EXT1: variants seen among roughly 807,000 people sequenced by gnomAD.
EXT1 encodes the protein exostosin glycosyltransferase 1, also known as exostosin-1.
A neutral mutation model predicts 82.5 loss-of-function variants in EXT1; 20 were observed. The ratio of observed to expected loss-of-function variants is 0.24; its 90% confidence interval spans 0.17 to 0.35. The LOEUF is 0.35. Among genes scored for constraint, EXT1 ranks in the 10% least tolerant of loss-of-function variants. The probability of loss-of-function intolerance (pLI) is 1.00; values close to 1 mark genes in which losing one functional copy is unlikely to be tolerated. For missense variants in EXT1, 757 were observed against 936.5 expected (o/e 0.81, Z 2.50); for synonymous variants, 348 against 350.8 (o/e 0.99, Z 0.09).
At chr8:117,895,559 T>C (rs1381375056) in intron 1 of EXT1, among the ~76,000 whole-genome samples, 1 of 152,104 alleles carries the variant, frequency 6.6e-6, no homozygotes, top group Non-Finnish European at 1.5e-5. Context: ...TTAAGACCCA[T>C]CCAGGTCTGA....
At chr8:118,054,592 T>C (rs138282100) in intron 1 of EXT1, among the ~76,000 whole-genome samples, 19 of 152,292 alleles carry the variant, frequency 1.2e-4, no homozygotes, top group Non-Finnish European at 2.4e-4. Context: ...AAAATAAAGA[T>C]ACTGCCATCT....
intron 1 of EXT1, among the ~76,000 whole-genome samples, chr8:118,107,368 G>A (rs1489345528): frequency 6.6e-6 from 1 of 152,064 alleles, no homozygotes; most frequent in African/African-American, 2.4e-5. Flanking sequence ...TGAGTGCTTA[G>A]AGCACCCCTG....
At chr8:117,981,109 C>G (rs1815193159) in intron 1 of EXT1, among the ~76,000 whole-genome samples, 1 of 152,156 alleles carries the variant, frequency 6.6e-6, no homozygotes, top group Non-Finnish European at 1.5e-5. Flanking sequence ...TTTATACAAA[C>G]CCATTTAAAT....
intron 8 of EXT1, among the ~76,000 whole-genome samples, chr8:117,811,835 C>T (rs541921037): frequency 1.7e-4 from 26 of 152,236 alleles, no homozygotes; most frequent in African/African-American, 6.0e-4. Context: ...AGGCTGGTCT[C>T]GAACTCCTGA....
intron 1 of EXT1, among the ~76,000 whole-genome samples, chr8:118,051,330 C>T (rs945602978): frequency 6.6e-6 from 1 of 152,016 alleles, no homozygotes; most frequent in Non-Finnish European, 1.5e-5. Flanking sequence ...AGAGCAAGAT[C>T]CTATCTCAAA....
rs571763464 is a variant in EXT1 at position 117,873,627 on chromosome 8, TG to T, written c.963-36427del. On this transcript the variant is annotated intron_variant, in intron 1 of 10. Coordinates refer to ENST00000378204, the MANE Select transcript of EXT1 (RefSeq NM_000127.3). The stretch of plus-strand genomic sequence containing the variant: ...CATGCCACCACGCCTGGCTAATTTT[TG>T]TATGTTTAGTAGAGACAGGGTTTTG... Among the ~76,000 whole-genome samples the T allele has an allele frequency of 4.1e-4, 62 of 152,178 alleles. 1 individual carries two copies. The Middle Eastern group carries it at 0.014, about 33-fold the overall frequency.
chr8:117,920,744 G>T (rs1278267688), intron 1 of EXT1, among the ~76,000 whole-genome samples: 1 of 152,176 alleles, frequency 6.6e-6, no homozygotes, highest in Non-Finnish European at 1.5e-5. Context: ...CTTTAGGGAG[G>T]AGGAAGCTGA....
At chr8:117,914,497 T>C (rs1268833102) in intron 1 of EXT1, among the ~76,000 whole-genome samples, 2 of 152,170 alleles carry the variant, frequency 1.3e-5, no homozygotes, top group East Asian at 3.8e-4. Context: ...GAGCCATATT[T>C]TTCTCTTTGC....
intron 1 of EXT1, among the ~76,000 whole-genome samples, chr8:118,017,643 G>A (rs1023207147): frequency 1.3e-5 from 2 of 152,144 alleles, no homozygotes; most frequent in African/African-American, 4.8e-5. Flanking sequence ...CTCCTAATTG[G>A]CAGATTACAT....
rs190414821 is a variant in EXT1, at chr8:117,794,844, C to A, written c.*4868G>T. On this transcript the variant is annotated 3_prime_UTR_variant, in exon 11 of 11. Transcript: ENST00000378204. Reference sequence around the variant, plus strand: ...AAATAAGGTATACTTTTGTTTTTTGCGTTACAATTTGCCACCTAAAATAGT... The same window carrying A: ...AAATAAGGTATACTTTTGTTTTTTGAGTTACAATTTGCCACCTAAAATAGT... The A allele has an allele frequency of 1.1e-4, 17 of 152,226 alleles. No homozygotes were observed. The highest frequency in any genetic ancestry group is 4.1e-4 in the African/African-American group (17 of 41,550). 9.4% of individuals were successfully genotyped at this position (152,226 alleles called of 1,614,324 possible). A position where few individuals can be genotyped will look rare whatever the true frequency, so the allele number is the denominator to read the frequency against.
chr8:118,096,952 C>A (rs1362284114), intron 1 of EXT1, among the ~76,000 whole-genome samples: 1 of 152,116 alleles, frequency 6.6e-6, no homozygotes, highest in East Asian at 1.9e-4. Context: ...AAATTTTTTT[C>A]ATTTATGCAA....
chr8:117,933,107 C>A (rs374020805), intron 1 of EXT1, among the ~76,000 whole-genome samples: 3 of 152,192 alleles, frequency 2.0e-5, no homozygotes, highest in Non-Finnish European at 4.4e-5. Flanking sequence ...ATGCTACACT[C>A]ACTTTTCGCC....
At chr8:118,096,408 G>A (rs1817611403) in intron 1 of EXT1, among the ~76,000 whole-genome samples, 1 of 152,028 alleles carries the variant, frequency 6.6e-6, no homozygotes. Flanking sequence ...GGATCACGAG[G>A]TCGGGAGATC....
intron 1 of EXT1, among the ~76,000 whole-genome samples, chr8:118,047,001 G>C (rs1246152351): frequency 1.3e-5 from 2 of 152,160 alleles, no homozygotes; most frequent in African/African-American, 4.8e-5. Context: ...GGAGGGGCAG[G>C]AACTAAAGGA....
chr8:117,819,930 T>G, intron 5 of EXT1, 136 bp from the exon 6 acceptor site: 6 of 817,954 alleles, frequency 7.3e-6, no homozygotes, highest in Non-Finnish European at 1.2e-5. Flanking sequence ...TCTTATGTCC[T>G]GACAGGACAG....
chr8:117,882,303 G>A (rs1028199622), intron 1 of EXT1, among the ~76,000 whole-genome samples: 2 of 152,010 alleles, frequency 1.3e-5, no homozygotes, highest in Non-Finnish European at 2.9e-5. Flanking sequence ...GGCTGGTCTC[G>A]AACTCCTGAC....
chr8:117,960,747 C>T (rs931533103), intron 1 of EXT1, among the ~76,000 whole-genome samples: 3 of 152,130 alleles, frequency 2.0e-5, no homozygotes, highest in African/African-American at 4.8e-5. Flanking sequence ...ATCCTGGACA[C>T]GGAGCCAACA....
intron 1 of EXT1, among the ~76,000 whole-genome samples, chr8:117,966,863 T>C (rs1563615514): frequency 6.6e-6 from 1 of 152,268 alleles, no homozygotes; most frequent in Non-Finnish European, 1.5e-5. Flanking sequence ...TCCACTGCTA[T>C]TGAGAAACCA....
chr8:117,812,844 C>G (rs545915590), intron 8 of EXT1, 28 bp downstream of exon 8: 2 of 1,601,544 alleles, frequency 1.2e-6, no homozygotes, highest in Middle Eastern at 1.7e-4. Context: ...AACAGCCCAC[C>G]TGCTGCTCCT....
Sources: gnomAD v4.1 joint callset for allele counts (sites outside exome capture counted in the v4.1 genomes callset) on GRCh38, gnomAD v4.1.1 for gene constraint, MANE v1.5 for transcripts, NCBI Gene and HGNC (gene_info 2026-07-23, HGNC 2026-07-21) for gene names.